Variants in SLC22A14 observed in about 807,000 individuals in gnomAD.
SLC22A14 encodes solute carrier family 22 member 14.
A neutral mutation model predicts 53.9 loss-of-function variants in SLC22A14; 50 were observed. The ratio of observed to expected loss-of-function variants is 0.93; its 90% CI spans 0.74 to 1.17. The LOEUF (loss-of-function observed/expected upper bound fraction) is 1.17, where lower values mean the gene tolerates loss of function less well. Among genes scored for constraint, SLC22A14 ranks in the 50% most tolerant of loss-of-function variants. SLC22A14 has a pLI of 0.00. For missense variants in SLC22A14, 671 were observed against 734.7 expected, an observed-to-expected ratio of 0.91 and a Z score of 1.00; for synonymous variants, 312 against 303.0, an observed-to-expected ratio of 1.03 and a Z score of -0.31.
At chr3:38,303,881 C>T (rs1337947280) in intron 1 of SLC22A14, 2 of 152,076 alleles carry the variant, frequency 1.3e-5, no homozygotes, top group Non-Finnish European at 2.9e-5. Context: ...AGCCAGCACC[C>T]TTCTTATCTT....
intron 1 of SLC22A14, among the ~76,000 whole-genome samples, chr3:38,293,451 T>G (rs1254657195): frequency 6.7e-6 from 1 of 148,524 alleles, no homozygotes; most frequent in South Asian, 2.1e-4. Context: ...AATAGGGTTT[T>G]TAAGTTTTGC....
At chr3:38,316,894 C>T (rs1704638190) in intron 10 of SLC22A14, among the ~76,000 whole-genome samples, 1 of 152,248 alleles carries the variant, frequency 6.6e-6, no homozygotes, top group Non-Finnish European at 1.5e-5. Flanking sequence ...ACTCTGAGTA[C>T]ATCTCTTTTC....
At chr3:38,296,688 C>T (rs113354394) in intron 1 of SLC22A14, among the ~76,000 whole-genome samples, 9,746 of 152,154 alleles carry the variant, frequency 0.064, 370 homozygotes, top group East Asian at 0.16. Flanking sequence ...AAGAATGGAA[C>T]CTTGGGCCAT....
intron 5 of SLC22A14, among the ~76,000 whole-genome samples, chr3:38,310,265 C>T (rs1330931219): frequency 2.0e-5 from 3 of 152,046 alleles, no homozygotes; most frequent in African/African-American, 7.2e-5. Flanking sequence ...GTAGTCCCAG[C>T]TACTTGGGAG....
rs1264131999 is a variant in SLC22A14 at position 38,306,416 on chromosome 3, A to G, written c.390A>G (p.Thr130=). 2.5e-6 allele frequency: 4 copies of G among 1,614,088 alleles called. No individual in the cohort carries two copies. Among genetic ancestry groups the G allele is most frequent in the Non-Finnish European group, 3.4e-6 (4 of 1,180,042 alleles). ...IPQAPNGSFL[T]CFMYLPVPWN... is the part of the protein sequence containing the mutation. ...AAGCACCCAATGGCAGTTTCCTGAC[A>G]TGCTTCATGTACCTTCCTGTGCCTT... Residue 130 remains threonine (T), a synonymous_variant, in exon 2 of 11, where the codon ACA becomes ACG. Transcript: ENST00000448498.
intron 1 of SLC22A14, among the ~76,000 whole-genome samples, chr3:38,301,828 A>G (rs557846438): frequency 6.6e-6 from 1 of 151,948 alleles, no homozygotes; most frequent in South Asian, 2.1e-4. Context: ...AAAATCACAA[A>G]TTGTTGAATT....
intron 1 of SLC22A14, among the ~76,000 whole-genome samples, chr3:38,295,738 G>GTC (rs145660992): frequency 2.0e-5 from 3 of 149,406 alleles, no homozygotes; most frequent in East Asian, 2.0e-4. Flanking sequence ...TCTCCTCTCT[G>GTC]TCTCTCTCTC....
intron 6 of SLC22A14, 48 bp downstream of exon 6, chr3:38,313,167 A>G: frequency 1.2e-6 from 2 of 1,601,440 alleles, no homozygotes; most frequent in Non-Finnish European, 1.7e-6. Context: ...GGGCTGTGGA[A>G]GGGCCCCTTC....
chr3:38,306,987 C>T (rs1045922947), intron 2 of SLC22A14, among the ~76,000 whole-genome samples: 5 of 152,192 alleles, frequency 3.3e-5, no homozygotes, highest in Non-Finnish European at 7.4e-5. Context: ...TGCACTGATT[C>T]CTGCCTTTGC....
At chr3:38,280,287 C>T (rs748140803), upstream of SLC22A14, among the ~76,000 whole-genome samples, 1 of 152,160 alleles carries the variant, frequency 6.6e-6, no homozygotes, top group Non-Finnish European at 1.5e-5. Flanking sequence ...CTCCTGTCTC[C>T]GTGTCGGCCG....
At chr3:38,317,143 G>A (rs1464039357) in intron 10 of SLC22A14, among the ~76,000 whole-genome samples, 1 of 152,222 alleles carries the variant, frequency 6.6e-6, no homozygotes, top group African/African-American at 2.4e-5. Context: ...TGGACCTGAG[G>A]GGACCTGAGC....
Position 38,318,196 on chromosome 3 carries a change from A to G in SLC22A14, c.1734-2A>G, listed in dbSNP as rs1189233048. 2 of 1,613,634 alleles carry G rather than the reference A, an allele frequency of 1.2e-6. No homozygotes were observed. Among genetic ancestry groups the G allele is most frequent in the Non-Finnish European group, 1.7e-6 (2 of 1,179,544 alleles). ...GGACTCATCCTCTGATGGCTCTTTC[A>G]GGAATAAGGTCAAGGACATGAAGAC... On this transcript the variant is annotated splice_acceptor_variant, in intron 10 of 10. Coordinates refer to ENST00000448498, the MANE Select transcript of SLC22A14 (RefSeq NM_001320033.2). LOFTEE classifies it high-confidence loss of function.
intron 9 of SLC22A14, 36 bp downstream of exon 9, chr3:38,315,747 A>G (rs1430066361): frequency 1.9e-6 from 3 of 1,594,798 alleles, no homozygotes; most frequent in Middle Eastern, 1.7e-4. Flanking sequence ...CCATGGGGAC[A>G]TGCGCAGGGA....
chr3:38,312,321 A>G (rs1219757398), intron 5 of SLC22A14, among the ~76,000 whole-genome samples: 1 of 152,204 alleles, frequency 6.6e-6, no homozygotes, highest in Middle Eastern at 3.2e-3. Context: ...GGATTAAACA[A>G]GACTATATAT....
chr3:38,307,266 T>A lies in SLC22A14; in HGVS notation c.529T>A (p.Cys177Ser), dbSNP rs746121735. 6.2e-7 allele frequency: 1 copy of A among 1,613,718 alleles called. No homozygotes were observed. Among genetic ancestry groups the A allele is most frequent in the Non-Finnish European group, 8.5e-7 (1 of 1,179,568 alleles). ...GTCTGACCCACAGTTTGACTTGGTA[T>A]GTGGCATGGAGACGAAGAAGGACAC... is the stretch of plus-strand genomic sequence containing the variant. ...RSLINEFDLV[C>S]GMETKKDTAQ... Residue 177 changes from cysteine (C) to serine (S), a missense_variant, in exon 3 of 11, where the codon TGT becomes AGT. By Grantham distance (112) the Cys-to-Ser change is moderately radical. Transcript: ENST00000448498. This position sits in a 1 kb window ranked among gnomAD's most constrained non-coding sequence, Gnocchi z 4.4.
chr3:38,301,582 A>T (rs1055723999), intron 1 of SLC22A14, among the ~76,000 whole-genome samples: 2 of 151,946 alleles, frequency 1.3e-5, no homozygotes, highest in Admixed American at 1.3e-4. Flanking sequence ...TTCTCTGTGG[A>T]TTCTTTGGGG....
chr3:38,287,445 AG>A (rs1205413726), intron 1 of SLC22A14, among the ~76,000 whole-genome samples: 2 of 152,146 alleles, frequency 1.3e-5, no homozygotes, highest in African/African-American at 4.8e-5. Flanking sequence ...AGGCCTTAAT[AG>A]GGCTGGAATT....
intron 1 of SLC22A14, among the ~76,000 whole-genome samples, chr3:38,290,419 C>T (rs1049392328): frequency 2.6e-5 from 4 of 152,184 alleles, no homozygotes; most frequent in Admixed American, 1.3e-4. Context: ...TGTAGTTTTA[C>T]AGCTTTGATT....
chr3:38,300,077 A>G (rs1704127016), intron 1 of SLC22A14, among the ~76,000 whole-genome samples: 1 of 152,188 alleles, frequency 6.6e-6, no homozygotes, highest in Non-Finnish European at 1.5e-5. Context: ...ATAGTTTTTT[A>G]AGTGTATCAG....
Sources: gnomAD v4.1 joint callset for allele counts (sites outside exome capture counted in the v4.1 genomes callset) on GRCh38, gnomAD v4.1.1 for gene constraint, Gnocchi (gnomAD v3.1) non-coding constraint, MANE v1.5 for transcripts, NCBI Gene and HGNC (gene_info 2026-07-23, HGNC 2026-07-21) for gene names.